Variants in ZC3H12B observed in about 807,000 individuals in gnomAD.
ZC3H12B encodes the protein probable ribonuclease ZC3H12B.
In ZC3H12B, 7 loss-of-function variants were observed where a neutral mutation model predicts 43.9. That is an observed-to-expected ratio of 0.16 (90% CI 0.09 to 0.30). The LOEUF is 0.30. ZC3H12B is among the 10% of genes least tolerant of loss of function. The pLI is 1.00. For missense variants in ZC3H12B, 475 were observed against 670.2 expected (o/e 0.71, Z 3.22); for synonymous variants, 222 against 241.7 (o/e 0.92, Z 0.76).
intron 2 of ZC3H12B, among the ~76,000 whole-genome samples, chrX:65,376,626 G>T (rs2066350221): frequency 8.9e-6 from 1 of 111,886 alleles, no homozygotes; most frequent in Non-Finnish European, 1.9e-5. Context: ...AAGCGTTTCT[G>T]CCTTAATACA....
At chrX:65,333,552 A>G in the ZC3H12B span, among the ~76,000 whole-genome samples, 6 of 112,339 alleles carry the variant, frequency 5.3e-5, no homozygotes, top group African/African-American at 1.9e-4. Context: ...CAAAAAGCCA[A>G]AAAGATTAAT....
chrX:65,282,414 A>G, the ZC3H12B span, among the ~76,000 whole-genome samples: 4 of 112,307 alleles, frequency 3.6e-5, no homozygotes, highest in African/African-American at 9.7e-5. Context: ...ACGGTACTGG[A>G]AGTCCTAGCC....
chrX:65,171,658 G>A, the ZC3H12B span, among the ~76,000 whole-genome samples: 1 of 111,121 alleles, frequency 9.0e-6, no homozygotes, highest in Non-Finnish European at 1.9e-5. Context: ...TACAGAGGTA[G>A]GCAGGCCTCC....
At chrX:65,385,783 G>T (rs959337211) in intron 2 of ZC3H12B, among the ~76,000 whole-genome samples, 4 of 111,905 alleles carry the variant, frequency 3.6e-5, no homozygotes, top group African/African-American at 1.3e-4. Context: ...CTGTCGGTTT[G>T]TCATAAATAG....
the ZC3H12B span, among the ~76,000 whole-genome samples, chrX:65,193,889 G>A: frequency 1.3e-4 from 15 of 111,420 alleles, no homozygotes; most frequent in Non-Finnish European, 1.5e-4. Flanking sequence ...ATTGGCTCAT[G>A]GCTCCACAGG....
chrX:65,165,838 A>G, the ZC3H12B span, among the ~76,000 whole-genome samples: 2 of 111,840 alleles, frequency 1.8e-5, no homozygotes, highest in African/African-American at 6.5e-5. Context: ...GTCAAATGGT[A>G]TTTCTGGTTC....
intron 2 of ZC3H12B, among the ~76,000 whole-genome samples, chrX:65,372,469 A>G (rs750029061): frequency 2.9e-5 from 3 of 104,588 alleles, no homozygotes; most frequent in African/African-American, 1.1e-4. Context: ...AGAGGACAGG[A>G]GAGAGGAAGG....
the ZC3H12B span, among the ~76,000 whole-genome samples, chrX:65,154,205 A>T: frequency 8.9e-6 from 1 of 111,872 alleles, no homozygotes. Flanking sequence ...CATTGTGCAC[A>T]TGCACCCTAA....
At chrX:65,316,948 A>C in the ZC3H12B span, among the ~76,000 whole-genome samples, 1 of 111,901 alleles carries the variant, frequency 8.9e-6, no homozygotes, top group Non-Finnish European at 1.9e-5. Flanking sequence ...TGGGATGGAG[A>C]AAAATCTACA....
chrX:65,144,888 C>T, the ZC3H12B span, among the ~76,000 whole-genome samples: 1 of 111,634 alleles, frequency 9.0e-6, no homozygotes, highest in Non-Finnish European at 1.9e-5. Context: ...TGTGGCCTAT[C>T]ATTTGGTCTA....
the ZC3H12B span, among the ~76,000 whole-genome samples, chrX:65,331,938 G>A: frequency 1.8e-5 from 2 of 111,332 alleles, no homozygotes; most frequent in East Asian, 5.6e-4. Context: ...TCTTGTTGCC[G>A]TCTTAATTTT....
the ZC3H12B span, among the ~76,000 whole-genome samples, chrX:65,211,703 T>TATAATATATATTATATATTTTTATGTA: frequency 1.1e-5 from 1 of 89,367 alleles, no homozygotes; most frequent in Non-Finnish European, 2.1e-5. Context: ...TTATATAATA[T>TATAATATATATTATATATTTTTATGTA]ATAATATATA....
the ZC3H12B span, among the ~76,000 whole-genome samples, chrX:65,229,520 C>G: frequency 2.7e-5 from 3 of 110,737 alleles, no homozygotes; most frequent in Non-Finnish European, 5.7e-5. Context: ...CAACAAAAGC[C>G]AAAATTGACA....
the ZC3H12B span, among the ~76,000 whole-genome samples, chrX:65,120,685 G>C: frequency 3.6e-5 from 4 of 111,325 alleles, no homozygotes; most frequent in East Asian, 8.6e-4. Flanking sequence ...CCAACACTAT[G>C]TTGAATAGGA....
At chrX:65,140,650 G>A in the ZC3H12B span, among the ~76,000 whole-genome samples, 4 of 112,004 alleles carry the variant, frequency 3.6e-5, no homozygotes, top group Admixed American at 3.8e-4. Context: ...ATTAATATTA[G>A]TTTCTCTCTA....
At chrX:65,245,312 G>A in the ZC3H12B span, among the ~76,000 whole-genome samples, 1 of 111,851 alleles carries the variant, frequency 8.9e-6, no homozygotes, top group Non-Finnish European at 1.9e-5. Context: ...AAGAAAGTAA[G>A]GAGGAGGGAT....
rs375522144 is a variant in ZC3H12B at position 65,457,573 on chromosome X, G to A, written n.408-31073G>A. Reference sequence around the variant, plus strand: ...ACCCCGTCTGGGAGGTGTGCCCAGCGGCTCACTGGGGATGGGCCATGATGA... The same window carrying A: ...ACCCCGTCTGGGAGGTGTGCCCAGCAGCTCACTGGGGATGGGCCATGATGA... On this transcript the variant is annotated intron_variant and non_coding_transcript_variant, in intron 3 of 5. Coordinates refer to the ZC3H12B transcript ENST00000617377. 4.8e-3 allele frequency among the ~76,000 whole-genome samples: 404 copies of A among 83,564 alleles called. 5 individuals carry two copies. The highest frequency in any genetic ancestry group is 7.4e-3 in the Non-Finnish European group (370 of 50,330). 72.6% of individuals were successfully genotyped at this position (83,564 alleles called of 115,157 possible). A position where few individuals can be genotyped will look rare whatever the true frequency, so the allele number is the denominator to read the frequency against.
upstream of ZC3H12B, among the ~76,000 whole-genome samples, chrX:65,365,288 T>G (rs755750920): frequency 7.2e-4 from 80 of 111,553 alleles, no homozygotes; most frequent in African/African-American, 2.5e-3. Flanking sequence ...TGAACCCTCT[T>G]GAGTACTCTA....
chrX:65,285,360 A>T, the ZC3H12B span, among the ~76,000 whole-genome samples: 1 of 110,774 alleles, frequency 9.0e-6, no homozygotes, highest in Non-Finnish European at 1.9e-5. Context: ...CGGGAGCCTC[A>T]GGGAACCCCA....
Sources: gnomAD v4.1 joint callset for allele counts (sites outside exome capture counted in the v4.1 genomes callset) on GRCh38, gnomAD v4.1.1 for gene constraint, MANE v1.5 for transcripts, NCBI Gene and HGNC (gene_info 2026-07-23, HGNC 2026-07-21) for gene names.